RHOBTB3: variants seen among roughly 807,000 people sequenced by gnomAD.
RHOBTB3 encodes Rho related BTB domain containing 3.
In RHOBTB3, 47 loss-of-function variants were observed where a neutral mutation model predicts 67.2. That is an observed-to-expected ratio of 0.70 (90% CI 0.55 to 0.89). The LOEUF is 0.89. Among genes scored for constraint, RHOBTB3 ranks in the 40% least tolerant of loss-of-function variants. The pLI is 0.00. For synonymous variants in RHOBTB3, 273 were observed against 274.2 expected (o/e 1.00, Z 0.04); for missense variants, 631 against 750.0 (o/e 0.84, Z 1.85).
At chr5:95,728,975 G>A (rs1755139572), upstream of RHOBTB3, among the ~76,000 whole-genome samples, 2 of 152,270 alleles carry the variant, frequency 1.3e-5, no homozygotes, top group African/African-American at 2.4e-5. Context: ...CAAATGTCAC[G>A]GCAATGTCAG....
exon 1 of RHOBTB3, chr5:95,717,637 A>T (rs1477928576): frequency 1.3e-5 from 2 of 152,230 alleles, no homozygotes; most frequent in Non-Finnish European, 2.9e-5. Context: ...CTCTGCATTG[A>T]CTAAACCTAA....
chr5:95,764,960 A>G (rs1477077952), intron 7 of RHOBTB3, among the ~76,000 whole-genome samples: 1 of 152,116 alleles, frequency 6.6e-6, no homozygotes, highest in Non-Finnish European at 1.5e-5. Context: ...CTTGCAGTCT[A>G]ATTCAACTAA....
At chr5:95,759,050 C>T (rs142084560) in intron 6 of RHOBTB3, among the ~76,000 whole-genome samples, 23 of 152,234 alleles carry the variant, frequency 1.5e-4, no homozygotes, top group East Asian at 5.8e-4. Flanking sequence ...GTCCCTGACG[C>T]GAGGAAAAAT....
intron 8 of RHOBTB3, among the ~76,000 whole-genome samples, chr5:95,777,484 A>C (rs532159990): frequency 6.6e-6 from 1 of 152,252 alleles, no homozygotes; most frequent in Non-Finnish European, 1.5e-5. Context: ...AATACTACAA[A>C]GAAAAGATAG....
At chr5:95,720,913 A>G (rs1754850610) in intron 1 of RHOBTB3, among the ~76,000 whole-genome samples, 1 of 152,204 alleles carries the variant, frequency 6.6e-6, no homozygotes, top group Non-Finnish European at 1.5e-5. Flanking sequence ...GCCATATTTT[A>G]CCGAAGAAAA....
chr5:95,789,943 A>G (rs1443315974), intron 11 of RHOBTB3, among the ~76,000 whole-genome samples: 1 of 152,246 alleles, frequency 6.6e-6, no homozygotes, highest in Non-Finnish European at 1.5e-5. Flanking sequence ...ACTTGAACCC[A>G]GGAGTTTGAG....
intron 7 of RHOBTB3, among the ~76,000 whole-genome samples, chr5:95,767,424 G>GC (rs1007963278): frequency 1.3e-5 from 2 of 151,634 alleles, no homozygotes; most frequent in Non-Finnish European, 2.9e-5. Flanking sequence ...TGCAGCCTCT[G>GC]CCCCCTGGGT....
In RHOBTB3 at chr5:95,723,385, A is replaced by G. The variant is rs1408563736; in HGVS notation, n.133+5620A>G. ...CCTTGCAATTTAAAAGAAATTGACAATTTAGAAGAAGACTGTAGTCTCCTT... is the reference window on the plus strand; with the variant it reads ...CCTTGCAATTTAAAAGAAATTGACAGTTTAGAAGAAGACTGTAGTCTCCTT... On this transcript the variant is annotated intron_variant and non_coding_transcript_variant, in intron 1 of 5. Coordinates refer to the RHOBTB3 transcript ENST00000504949. 5.9e-5 allele frequency among the ~76,000 whole-genome samples: 9 copies of G among 152,360 alleles called. No individual in the cohort carries two copies. The East Asian group carries it at 1.7e-3, about 29-fold the overall frequency.
At chr5:95,772,656 G>A (rs760391267) in intron 8 of RHOBTB3, among the ~76,000 whole-genome samples, 1 of 152,084 alleles carries the variant, frequency 6.6e-6, no homozygotes, top group Non-Finnish European at 1.5e-5. Flanking sequence ...ATTCCTGGTC[G>A]CAGGAGGAAA....
At chr5:95,719,461 G>A (rs190841012) in intron 1 of RHOBTB3, among the ~76,000 whole-genome samples, 38 of 152,266 alleles carry the variant, frequency 2.5e-4, no homozygotes, top group Non-Finnish European at 5.1e-4. Context: ...GGATATCAGG[G>A]AATGGGGCAA....
At chr5:95,730,972 C>T, upstream of RHOBTB3, 2 of 538,618 alleles carry the variant, frequency 3.7e-6, no homozygotes, top group Non-Finnish European at 6.6e-6. Flanking sequence ...GAATCCCTAG[C>T]TTCCCTAACC....
chr5:95,731,820 C>A (rs776685791), intron 1 of RHOBTB3, 39 bp from the exon 2 acceptor site: 2 of 1,602,008 alleles, frequency 1.2e-6, no homozygotes, highest in Admixed American at 1.7e-5. Flanking sequence ...GCGCGCTGAC[C>A]GTGCTTCCCT....
Position 95,763,417 on chromosome 5 carries a change from A to G in RHOBTB3, c.1049-91A>G, listed in dbSNP as rs1005483292. On this transcript the variant is annotated intron_variant, in intron 6 of 11. Transcript: ENST00000379982. ...TCTGGTAAAGAAAAATTAAAGCACT[A>G]AAAAAAGGGAATGTTGTATTTAATA... 5 of 742,372 alleles carry G rather than the reference A, an allele frequency of 6.7e-6. No individual in the cohort carries two copies. In the East Asian group the frequency reaches 7.6e-5, roughly 11 times the overall value. 46.0% of individuals were successfully genotyped at this position (742,372 alleles called of 1,614,324 possible). A position where few individuals can be genotyped will look rare whatever the true frequency, so the allele number is the denominator to read the frequency against.
chr5:95,731,097 G>A (rs1755217469), upstream of RHOBTB3: 2 of 1,110,360 alleles, frequency 1.8e-6, no homozygotes, highest in Non-Finnish European at 1.1e-6. Context: ...GCGGCTGGGA[G>A]CTCTCGGGCT....
chr5:95,770,212 G>A (rs1447626546), intron 8 of RHOBTB3: 6 of 297,232 alleles, frequency 2.0e-5, no homozygotes, highest in African/African-American at 1.1e-4. Context: ...TGGAGTAGCT[G>A]TGCTGAAGGT....
At chr5:95,761,837 A>G (rs1412824277) in intron 6 of RHOBTB3, among the ~76,000 whole-genome samples, 11 of 152,222 alleles carry the variant, frequency 7.2e-5, no homozygotes, top group African/African-American at 2.2e-4. Context: ...TTACACTCTC[A>G]CATTGTTATA....
intron 11 of RHOBTB3, among the ~76,000 whole-genome samples, chr5:95,792,132 A>G (rs939932169): frequency 6.6e-6 from 1 of 152,212 alleles, no homozygotes; most frequent in African/African-American, 2.4e-5. Flanking sequence ...AGGGAAGAAC[A>G]GCTTATCTGA....
At chr5:95,785,387 CGAGACCATCCTG>C (rs1746194056) in intron 10 of RHOBTB3, among the ~76,000 whole-genome samples, 1 of 152,104 alleles carries the variant, frequency 6.6e-6, no homozygotes, top group South Asian at 2.1e-4. Context: ...GTCAGGAGAT[CGAGACCATCCTG>C]GCTAACACAG....
At chr5:95,769,573 G>C (rs998180969) in intron 8 of RHOBTB3, 1 of 172,044 alleles carries the variant, frequency 5.8e-6, no homozygotes, top group Non-Finnish European at 1.2e-5. Flanking sequence ...CAGTGAAAAG[G>C]GTTGTCATCA....
Sources: gnomAD v4.1 joint callset for allele counts (sites outside exome capture counted in the v4.1 genomes callset) on GRCh38, gnomAD v4.1.1 for gene constraint, MANE v1.5 for transcripts, NCBI Gene and HGNC (gene_info 2026-07-23, HGNC 2026-07-21) for gene names.